The following CDH11 variants were observed in gnomAD, a reference collection of about 807,000 sequenced individuals.
CDH11 encodes cadherin-11.
Under a neutral mutation model 67.8 loss-of-function variants are expected in CDH11, and 11 were observed. That is an observed-to-expected ratio of 0.16 (90% CI 0.10 to 0.27). CDH11 has a LOEUF of 0.27. Among genes scored for constraint, CDH11 ranks in the 10% least tolerant of loss-of-function variants. The pLI is 1.00. For synonymous variants in CDH11, 419 were observed against 400.0 expected, an observed-to-expected ratio of 1.05 and a Z score of -0.57; for missense variants, 847 against 1,031.2, an observed-to-expected ratio of 0.82 and a Z score of 2.45.
chr16:64,998,914 A>C, intron 3 of CDH11, 58 bp from the exon 4 acceptor site: 2 of 1,431,252 alleles, frequency 1.4e-6, no homozygotes, highest in Non-Finnish European at 1.9e-6. Context: ...GGGGAAACTC[A>C]CTTACAAGTG....
Position 65,045,207 on chromosome 16 carries a change from G to C in CDH11, c.-173+8597C>G, listed in dbSNP as rs1299404105. Among the ~76,000 whole-genome samples, 10 of 151,500 alleles carry C rather than the reference G, an allele frequency of 6.6e-5. No individual in the cohort carries two copies. The South Asian group carries it at 2.1e-3, about 32-fold the overall frequency. On this transcript the variant is annotated intron_variant, in intron 2 of 12. Coordinates refer to ENST00000268603, the MANE Select transcript of CDH11 (RefSeq NM_001797.4). ...TGGGAGTGTTAAGAGGTCCAAAATA[G>C]TATGTTATAGACAGAAATATGATAC...
intron 1 of CDH11, among the ~76,000 whole-genome samples, chr16:65,095,932 G>A (rs750540343): frequency 6.6e-5 from 10 of 152,122 alleles, no homozygotes; most frequent in Non-Finnish European, 1.2e-4. Context: ...CCTTGAGATG[G>A]TGCCATCTAT....
At chr16:64,962,135 GA>G (rs1555512512) in intron 11 of CDH11, among the ~76,000 whole-genome samples, 1 of 152,018 alleles carries the variant, frequency 6.6e-6, no homozygotes, top group Non-Finnish European at 1.5e-5. Context: ...TATTGCTCTA[GA>G]AAACCCAGGA....
At chr16:65,048,342 C>T (rs2073998188) in intron 2 of CDH11, among the ~76,000 whole-genome samples, 1 of 152,098 alleles carries the variant, frequency 6.6e-6, no homozygotes. Context: ...GGAGATTTCT[C>T]AAAGAACTGA....
intron 2 of CDH11, among the ~76,000 whole-genome samples, chr16:65,026,719 T>C (rs1284277448): frequency 1.3e-5 from 2 of 152,118 alleles, no homozygotes; most frequent in Admixed American, 1.3e-4. Context: ...CTCCCATTTT[T>C]CCCCAGATGT....
intron 1 of CDH11, among the ~76,000 whole-genome samples, chr16:65,075,759 T>C (rs961213208): frequency 3.3e-5 from 5 of 152,200 alleles, no homozygotes; most frequent in Non-Finnish European, 7.3e-5. Context: ...GTAGACAATG[T>C]GGTATTGGAT....
At chr16:64,969,747 A>C (rs1415179642) in intron 11 of CDH11, among the ~76,000 whole-genome samples, 1 of 150,886 alleles carries the variant, frequency 6.6e-6, no homozygotes, top group South Asian at 2.1e-4. Flanking sequence ...TTATGCAAAC[A>C]CTATTTGTGC....
At chr16:64,965,969 G>C (rs1335731174) in intron 11 of CDH11, among the ~76,000 whole-genome samples, 1 of 151,764 alleles carries the variant, frequency 6.6e-6, no homozygotes, top group African/African-American at 2.4e-5. Flanking sequence ...TAAATGTATA[G>C]CTCAAACTCT....
chr16:64,981,321 G>A (rs2072340901), intron 8 of CDH11: 1 of 151,630 alleles, frequency 6.6e-6, no homozygotes, highest in Admixed American at 6.6e-5. Flanking sequence ...GTAAAGGCTG[G>A]GTTCGAACTC....
At chr16:64,954,825 C>A (rs1326901099) in intron 11 of CDH11, among the ~76,000 whole-genome samples, 1 of 151,988 alleles carries the variant, frequency 6.6e-6, no homozygotes, top group Non-Finnish European at 1.5e-5. Context: ...GTCACTATGG[C>A]CTGGCATGGT....
At chr16:64,994,789 A>G (rs1040926055) in intron 4 of CDH11, among the ~76,000 whole-genome samples, 3 of 152,222 alleles carry the variant, frequency 2.0e-5, no homozygotes, top group Non-Finnish European at 4.4e-5. Flanking sequence ...CACTAATGAT[A>G]TGATTCTATA....
At chr16:65,081,560 C>T (rs2142801083) in intron 1 of CDH11, among the ~76,000 whole-genome samples, 1 of 148,016 alleles carries the variant, frequency 6.8e-6, no homozygotes, top group East Asian at 2.0e-4. Context: ...CTGAACGAGA[C>T]TCTGTCTCAA....
intron 3 of CDH11, among the ~76,000 whole-genome samples, chr16:65,001,603 T>C (rs1264360574): frequency 2.6e-5 from 4 of 152,210 alleles, no homozygotes; most frequent in Non-Finnish European, 4.4e-5. Flanking sequence ...GGCAAGTTTC[T>C]TGAAAATTAA....
chr16:64,948,410 A>AGTCTCTTAG, intron 12 of CDH11: 3 of 609,590 alleles, frequency 4.9e-6, no homozygotes, highest in Non-Finnish European at 8.7e-6. Context: ...GGAAGATTCT[A>AGTCTCTTAG]AATATGTTGG....
At chr16:65,054,432 A>C (rs1232189309) in intron 1 of CDH11, among the ~76,000 whole-genome samples, 1 of 152,074 alleles carries the variant, frequency 6.6e-6, no homozygotes, top group African/African-American at 2.4e-5. Context: ...TACTATCCCC[A>C]CTCCAGCAGA....
At chr16:65,066,512 A>G (rs2074315496) in intron 1 of CDH11, among the ~76,000 whole-genome samples, 2 of 152,226 alleles carry the variant, frequency 1.3e-5, no homozygotes, top group Non-Finnish European at 2.9e-5. Flanking sequence ...AGCAGCAAAG[A>G]ATTAGACAGG....
Position 64,947,710 on chromosome 16 carries a change from T to C in CDH11, c.2284A>G (p.Thr762Ala). 2 of 1,614,148 alleles carry C rather than the reference T, an allele frequency of 1.2e-6. No homozygotes were observed. Among genetic ancestry groups the C allele is most frequent in the Non-Finnish European group, 1.7e-6 (2 of 1,179,978 alleles). ...AGSLSSLESA[T>A]TDSDLDYDYL... Reference sequence around the variant, plus strand: ...TCATAGTCCAAGTCTGAATCTGTGGTGGCCGACTCTAGGGAGCTCAGGGAC... The same window carrying C: ...TCATAGTCCAAGTCTGAATCTGTGGCGGCCGACTCTAGGGAGCTCAGGGAC... Residue 762 changes from threonine to alanine, a missense_variant, in exon 13 of 13, where the codon ACC (threonine) becomes GCC (alanine). Physicochemically the swap from Thr to Ala is moderately conservative, Grantham distance 58 (BLOSUM62 0). Transcript: ENST00000268603.
intron 1 of CDH11, among the ~76,000 whole-genome samples, chr16:65,079,213 G>A (rs1174380129): frequency 1.3e-5 from 2 of 152,128 alleles, no homozygotes; most frequent in African/African-American, 4.8e-5. Flanking sequence ...AGACAGATGG[G>A]ACGGAACACT....
At chr16:65,066,081 G>A (rs991055334) in intron 1 of CDH11, among the ~76,000 whole-genome samples, 1 of 152,214 alleles carries the variant, frequency 6.6e-6, no homozygotes, top group African/African-American at 2.4e-5. Context: ...TCATTAGTGA[G>A]CCTCACTGGT....
Sources: gnomAD v4.1 joint callset for allele counts (sites outside exome capture counted in the v4.1 genomes callset) on GRCh38, gnomAD v4.1.1 for gene constraint, MANE v1.5 for transcripts, NCBI Gene and HGNC (gene_info 2026-07-23, HGNC 2026-07-21) for gene names.